The following FAM210A variants were observed in gnomAD, a reference collection of about 807,000 sequenced individuals.
FAM210A encodes family with sequence similarity 210 member A.
Under a neutral mutation model 25.3 loss-of-function variants are expected in FAM210A, and 13 were observed. That is an observed-to-expected ratio of 0.51 (90% CI 0.33 to 0.82). The LOEUF (loss-of-function observed/expected upper bound fraction) is 0.82. FAM210A is among the 40% of genes least tolerant of loss of function. FAM210A has a pLI of 0.02. For missense variants in FAM210A, 319 were observed against 323.2 expected, an observed-to-expected ratio of 0.99 and a Z score of 0.10; for synonymous variants, 125 against 118.7, an observed-to-expected ratio of 1.05 and a Z score of -0.35.
chr18:13,666,405 A>G lies in FAM210A; in HGVS notation c.*75T>C. 1.7e-6 allele frequency: 2 copies of G among 1,191,660 alleles called. No individual in the cohort carries two copies. Among genetic ancestry groups the G allele is most frequent in the Non-Finnish European group, 2.4e-6 (2 of 841,670 alleles). The allele number at this position is 1,191,660 out of a possible 1,614,324, so 73.8% of individuals were successfully genotyped here. A position where few individuals can be genotyped will look rare whatever the true frequency, so the allele number is the denominator to read the frequency against. On this transcript the variant is annotated 3_prime_UTR_variant, in exon 4 of 4. Coordinates refer to ENST00000651643, the MANE Select transcript of FAM210A (RefSeq NM_152352.4). ...TCGGCAACTAACCAAAAAAATAATC[A>G]GACACATGTATCTTTGCCCATAGTT...
At chr18:13,699,394 C>T (rs1601959148) in intron 1 of FAM210A, among the ~76,000 whole-genome samples, 1 of 152,008 alleles carries the variant, frequency 6.6e-6, no homozygotes, top group Admixed American at 6.5e-5. Flanking sequence ...TAAATTATGC[C>T]CCCCCTAGTG....
chr18:13,682,199 A>G, intron 1 of FAM210A, 94 bp from the exon 2 acceptor site: 2 of 817,220 alleles, frequency 2.4e-6, no homozygotes, highest in Non-Finnish European at 3.8e-6. Context: ...ATTAGGAAGT[A>G]AAAAGACAGA....
intron 2 of FAM210A, among the ~76,000 whole-genome samples, chr18:13,677,451 C>T (rs2043515042): frequency 6.6e-6 from 1 of 152,138 alleles, no homozygotes; most frequent in Non-Finnish European, 1.5e-5. Flanking sequence ...GCAGGGGGTA[C>T]GTGACTGGGG....
intron 2 of FAM210A, among the ~76,000 whole-genome samples, chr18:13,672,684 A>C (rs1247467132): frequency 6.6e-6 from 1 of 152,248 alleles, no homozygotes; most frequent in African/African-American, 2.4e-5. Context: ...CTGGAATTAC[A>C]GGCATGAGCC....
At chr18:13,692,858 C>T (rs1416975263) in intron 1 of FAM210A, among the ~76,000 whole-genome samples, 3 of 152,036 alleles carry the variant, frequency 2.0e-5, no homozygotes, top group Admixed American at 6.6e-5. Context: ...AGAGCAAACA[C>T]ATTCAAAAGC....
intron 1 of FAM210A, among the ~76,000 whole-genome samples, chr18:13,723,167 G>C (rs957070305): frequency 6.6e-6 from 1 of 152,138 alleles, no homozygotes; most frequent in African/African-American, 2.4e-5. Flanking sequence ...TATCACACCA[G>C]GGACTATCAG....
rs1040260393 is a variant in FAM210A at position 13,665,576 on chromosome 18, A to T, written c.*904T>A. On this transcript the variant is annotated 3_prime_UTR_variant, in exon 4 of 4. Transcript: ENST00000651643. Reference sequence around the variant, plus strand: ...AGGCCCATGTCTACCCCAAGGAGTTAGCAGTCTCCATGAAAACCTGACTCC... The same window carrying T: ...AGGCCCATGTCTACCCCAAGGAGTTTGCAGTCTCCATGAAAACCTGACTCC... 1.3e-5 allele frequency: 2 copies of T among 151,976 alleles called. No homozygotes were observed. The highest frequency in any genetic ancestry group is 3.9e-4 in the East Asian group (2 of 5,170). 9.4% of individuals were successfully genotyped at this position (151,976 alleles called of 1,614,324 possible). A position where few individuals can be genotyped will look rare whatever the true frequency, so the allele number is the denominator to read the frequency against.
intron 1 of FAM210A, among the ~76,000 whole-genome samples, chr18:13,709,999 TAG>T (rs1281564977): frequency 6.6e-6 from 1 of 152,202 alleles, no homozygotes; most frequent in Non-Finnish European, 1.5e-5. Context: ...TTCCTGGGTG[TAG>T]AGCAAGCTAA....
chr18:13,724,801 T>G (rs555408451), intron 1 of FAM210A, among the ~76,000 whole-genome samples: 1 of 152,228 alleles, frequency 6.6e-6, no homozygotes, highest in Non-Finnish European at 1.5e-5. Context: ...TTTGAGACAG[T>G]CTCGCTCTGT....
At chr18:13,679,791 G>T (rs531932360) in intron 2 of FAM210A, among the ~76,000 whole-genome samples, 1 of 152,256 alleles carries the variant, frequency 6.6e-6, no homozygotes, top group African/African-American at 2.4e-5. Context: ...ATAAAACTAA[G>T]AAAGTTGCAT....
At chr18:13,702,215 C>T (rs1352756108) in intron 1 of FAM210A, among the ~76,000 whole-genome samples, 1 of 152,200 alleles carries the variant, frequency 6.6e-6, no homozygotes, top group African/African-American at 2.4e-5. Context: ...ACCTCTCTCT[C>T]CCTGTGCAAA....
At chr18:13,675,069 C>A (rs1453335407) in intron 2 of FAM210A, among the ~76,000 whole-genome samples, 38 of 22,512 alleles carry the variant, frequency 1.7e-3, no homozygotes, top group Middle Eastern at 0.033. Context: ...CATTCCTGAG[C>A]CCCAACTTCA....
chr18:13,723,813 T>G (rs1025301601), intron 1 of FAM210A, among the ~76,000 whole-genome samples: 1 of 152,224 alleles, frequency 6.6e-6, no homozygotes, highest in African/African-American at 2.4e-5. Context: ...AGGAAAAACC[T>G]TTTAAACAAT....
chr18:13,683,967 G>A (rs1390095907), intron 1 of FAM210A, among the ~76,000 whole-genome samples: 2 of 152,134 alleles, frequency 1.3e-5, no homozygotes, highest in Admixed American at 1.3e-4. Flanking sequence ...TTAATCCCCT[G>A]ACTCATCCCT....
intron 2 of FAM210A, among the ~76,000 whole-genome samples, chr18:13,675,436 G>A (rs548264763): frequency 2.4e-4 from 3 of 12,534 alleles, no homozygotes; most frequent in Admixed American, 8.5e-4. Context: ...CTGAGCCCTG[G>A]CTTCTTTATT....
intron 1 of FAM210A, among the ~76,000 whole-genome samples, chr18:13,719,281 T>C (rs2043882269): frequency 6.6e-6 from 1 of 152,138 alleles, no homozygotes; most frequent in Admixed American, 6.5e-5. Flanking sequence ...GTTACTATAA[T>C]TCATGCTTAC....
intron 1 of FAM210A, among the ~76,000 whole-genome samples, chr18:13,689,813 C>T (rs561828897): frequency 7.9e-5 from 12 of 152,324 alleles, no homozygotes; most frequent in South Asian, 6.2e-4. Flanking sequence ...GGTTCCAAGA[C>T]GGCCAAATAG....
chr18:13,686,233 C>A (rs2043595631), intron 1 of FAM210A, among the ~76,000 whole-genome samples: 1 of 152,164 alleles, frequency 6.6e-6, no homozygotes. Flanking sequence ...GTCTTTTTAA[C>A]CATCAGGCCC....
In FAM210A at chr18:13,682,019, G is replaced by A. The variant is rs761995037; in HGVS notation, c.59C>T (p.Pro20Leu). The change falls in exon 2 of 4, where the codon CCA (proline) becomes CTA (leucine). Residue 20 changes from proline (P) to leucine (L), a missense_variant. Coordinates refer to ENST00000651643, the MANE Select transcript of FAM210A (RefSeq NM_152352.4). Reference protein sequence around the residue: ...SRLARRTCLEPHNAGLFGHCQ... With the variant: ...SRLARRTCLELHNAGLFGHCQ... ...GTGTCCAAAGAGACCAGCATTATGT[G>A]GTTCCAAGCATGTCCTGCGTGCCAG... 6.2e-7 allele frequency: 1 copy of A among 1,613,730 alleles called. No individual in the cohort carries two copies. Among genetic ancestry groups the A allele is most frequent in the Non-Finnish European group, 8.5e-7 (1 of 1,179,832 alleles).
Sources: allele counts gnomAD v4.1 joint callset (sites outside exome capture counted in the v4.1 genomes callset), GRCh38; gene constraint gnomAD v4.1.1; transcripts MANE v1.5; gene names NCBI Gene and HGNC (gene_info 2026-07-23, HGNC 2026-07-21).